MSRA: variants seen among roughly 807,000 people sequenced by gnomAD.
MSRA encodes the protein mitochondrial peptide methionine sulfoxide reductase.
MSRA carries 54 observed loss-of-function variants against 31.3 expected under a neutral mutation model. That is an observed-to-expected ratio of 1.73 (90% CI 1.39 to 2.17). The LOEUF (loss-of-function observed/expected upper bound fraction) is 2.17, where lower values mean the gene tolerates loss of function less well. MSRA is among the 30% of genes most tolerant of loss of function. The pLI is 0.00. For missense variants in MSRA, 507 were observed against 300.9 expected, an observed-to-expected ratio of 1.69 and a Z score of -5.07; for synonymous variants, 169 against 116.5, an observed-to-expected ratio of 1.45 and a Z score of -2.90.
rs202000887 is a variant in MSRA, at chr8:10,219,805, C to CAAAAAAAAAAAAAAAAAAAA, written c.211+11904_211+11905insAAAAAAAAAAAAAAAAAAAA. ...TGGACGACAGATCGAGACTCTGTCT[C>CAAAAAAAAAAAAAAAAAAAA]CAAAAAAAAAAAAAAAAAAAAAAGA... On this transcript the variant is annotated intron_variant, in intron 2 of 5. Transcript: ENST00000317173. Among the ~76,000 whole-genome samples the CAAAAAAAAAAAAAAAAAAAA allele has an allele frequency of 1.7e-3, 79 of 46,060 alleles. 16 individuals are homozygous for CAAAAAAAAAAAAAAAAAAAA. The highest frequency in any genetic ancestry group is 0.013 in the African/African-American group (78 of 5,986). The allele number at this position is 46,060 out of a possible 152,430, so 30.2% of individuals were successfully genotyped here. A position where few individuals can be genotyped will look rare whatever the true frequency, so the allele number is the denominator to read the frequency against.
At chr8:10,353,149 C>G (rs1017822330) in intron 5 of MSRA, among the ~76,000 whole-genome samples, 2 of 152,230 alleles carry the variant, frequency 1.3e-5, no homozygotes, top group African/African-American at 4.8e-5. Context: ...CACATTCTCA[C>G]TGTGAGACAA....
rs187340345 is a variant in MSRA at position 10,134,310 on chromosome 8, A to G, written c.143-73523A>G. Among the ~76,000 whole-genome samples the G allele has an allele frequency of 8.3e-4, 126 of 152,330 alleles. 1 individual carries two copies. In the East Asian group the frequency reaches 0.017, roughly 21 times the overall value. ...AGACAATGGGAAAAAAGAAGCCTCC[A>G]GCTTCTGGGTGTTTACCGTTTGGAA... On this transcript the variant is annotated intron_variant, in intron 1 of 5. Transcript: ENST00000317173.
At chr8:10,158,169 A>C (rs1333271241) in intron 1 of MSRA, among the ~76,000 whole-genome samples, 1 of 152,180 alleles carries the variant, frequency 6.6e-6, no homozygotes, top group East Asian at 1.9e-4. Flanking sequence ...TGACTGACTA[A>C]TAACCCCCAA....
chr8:10,380,808 G>A (rs1420987149), intron 5 of MSRA, among the ~76,000 whole-genome samples: 6 of 152,024 alleles, frequency 3.9e-5, no homozygotes, highest in Non-Finnish European at 5.9e-5. Flanking sequence ...GTGGATGGAT[G>A]GAGGGTTGGG....
chr8:10,208,506 A>T (rs769403460), intron 2 of MSRA, among the ~76,000 whole-genome samples: 3 of 152,128 alleles, frequency 2.0e-5, no homozygotes, highest in Non-Finnish European at 2.9e-5. Flanking sequence ...TCCATGCCTC[A>T]TGTCATCTAA....
At chr8:10,190,394 T>C (rs1807408784) in intron 1 of MSRA, among the ~76,000 whole-genome samples, 1 of 152,178 alleles carries the variant, frequency 6.6e-6, no homozygotes, top group Non-Finnish European at 1.5e-5. Flanking sequence ...TTCCAAGGCC[T>C]CCTGCCCCCG....
intron 1 of MSRA, among the ~76,000 whole-genome samples, chr8:10,162,481 T>C (rs1233284988): frequency 6.6e-6 from 1 of 152,104 alleles, no homozygotes. Context: ...CTTTGATTTC[T>C]GGGGGTGCCT....
At chr8:10,199,218 T>TAGGG (rs1808266649) in intron 1 of MSRA, among the ~76,000 whole-genome samples, 1 of 152,158 alleles carries the variant, frequency 6.6e-6, no homozygotes, top group Admixed American at 6.5e-5. Flanking sequence ...GGGATCCCTC[T>TAGGG]GATCACCTTT....
At chr8:10,185,214 C>G (rs1339675035) in intron 1 of MSRA, among the ~76,000 whole-genome samples, 1 of 152,178 alleles carries the variant, frequency 6.6e-6, no homozygotes, top group Non-Finnish European at 1.5e-5. Flanking sequence ...GGACAGCTGT[C>G]TGCAAGGGGC....
chr8:10,239,560 C>T (rs965935166), intron 2 of MSRA, among the ~76,000 whole-genome samples: 7 of 152,230 alleles, frequency 4.6e-5, no homozygotes, highest in African/African-American at 1.7e-4. Flanking sequence ...TCCTACACTG[C>T]TTATAGGACG....
rs188939981 is a variant in MSRA, at chr8:10,271,973, G to A, written c.331+26750G>A. On this transcript the variant is annotated intron_variant, in intron 3 of 5. Transcript: ENST00000317173. The stretch of plus-strand genomic sequence containing the variant: ...CCCGCACACCTCGACCTCCCAAAGT[G>A]CTGGGATTACAGGCGTGAGCCACTG... Among the ~76,000 whole-genome samples the A allele has an allele frequency of 1.2e-4, 19 of 152,268 alleles. No individual in the cohort carries two copies. The East Asian group carries it at 3.5e-3, about 28-fold the overall frequency.
intron 4 of MSRA, among the ~76,000 whole-genome samples, chr8:10,307,594 A>G (rs1801210101): frequency 6.6e-6 from 1 of 152,188 alleles, no homozygotes; most frequent in African/African-American, 2.4e-5. Context: ...CATATTCACC[A>G]CTTCCACATC....
chr8:10,319,903 C>G lies in MSRA; in HGVS notation c.457C>G (p.His153Asp), dbSNP rs1477931996. The G allele has an allele frequency of 2.5e-6, 4 of 1,570,356 alleles. No individual in the cohort carries two copies. In the African/African-American group the frequency reaches 4.1e-5, roughly 16 times the overall value. The stretch of plus-strand genomic sequence containing the variant: ...CCTAGGTATGCGCCAGGGGAACGAC[C>G]ATGGCACTCAGTACCGCTCGGCCAT... ...PTQGMRQGND[H>D]GTQYRSAIYP... The change falls in exon 5 of 6, where the codon CAT becomes GAT. Residue 153 changes from histidine to aspartate, a missense_variant. By Grantham distance (81) the His-to-Asp change is moderately conservative. Coordinates refer to ENST00000317173, the MANE Select transcript of MSRA (RefSeq NM_012331.5).
intron 2 of MSRA, 38 bp from the exon 3 acceptor site, chr8:10,245,066 T>A (rs765853225): frequency 6.2e-7 from 1 of 1,603,108 alleles, no homozygotes; most frequent in South Asian, 1.1e-5. Context: ...TTGTTTTGAA[T>A]AATCAGTATC....
intron 5 of MSRA, among the ~76,000 whole-genome samples, chr8:10,385,846 G>A (rs1279348153): frequency 1.3e-5 from 2 of 152,074 alleles, no homozygotes; most frequent in South Asian, 4.1e-4. Flanking sequence ...GTGAAGGACA[G>A]AATAGCGCCA....
intron 1 of MSRA, among the ~76,000 whole-genome samples, chr8:10,104,842 G>C (rs963047752): frequency 3.3e-5 from 5 of 152,176 alleles, no homozygotes; most frequent in African/African-American, 1.2e-4. Context: ...GGTCCATTCA[G>C]ATGGTTGAGA....
chr8:10,171,106 G>A (rs1464064307), intron 1 of MSRA, among the ~76,000 whole-genome samples: 1 of 152,316 alleles, frequency 6.6e-6, no homozygotes, highest in Middle Eastern at 3.4e-3. Context: ...ACATGGATGG[G>A]AAGGCTAAAG....
chr8:10,147,159 A>G (rs1803217914), intron 1 of MSRA, among the ~76,000 whole-genome samples: 2 of 152,146 alleles, frequency 1.3e-5, no homozygotes, highest in Non-Finnish European at 2.9e-5. Flanking sequence ...CACGAGTGGG[A>G]GAGAGGGTCT....
At chr8:10,334,394 TAA>T (rs1293936160) in intron 5 of MSRA, among the ~76,000 whole-genome samples, 5 of 151,478 alleles carry the variant, frequency 3.3e-5, no homozygotes, top group Non-Finnish European at 7.4e-5. Flanking sequence ...TCAGCCTCTA[TAA>T]AGTGGCTCCG....
Sources: gnomAD v4.1 joint callset for allele counts (sites outside exome capture counted in the v4.1 genomes callset) on GRCh38, gnomAD v4.1.1 for gene constraint, MANE v1.5 for transcripts, NCBI Gene and HGNC (gene_info 2026-07-23, HGNC 2026-07-21) for gene names.